Variants in LCORL observed in about 807,000 individuals in gnomAD.
The protein encoded by LCORL is ligand dependent nuclear receptor corepressor like, also known as ligand-dependent nuclear receptor corepressor-like protein.
LCORL carries 41 observed loss-of-function variants against 141.8 expected under a neutral mutation model. The observed-to-expected ratio is 0.29, with a 90% CI of 0.23 to 0.38. The LOEUF (loss-of-function observed/expected upper bound fraction) is 0.38, where lower values mean the gene tolerates loss of function less well. Ranked by LOEUF, LCORL falls within the 10% of genes least tolerant of loss-of-function variation. The pLI, the probability that LCORL is intolerant of heterozygous loss-of-function variation, is 1.00. For synonymous variants in LCORL, 618 were observed against 694.1 expected, an observed-to-expected ratio of 0.89 and a Z score of 1.72; for missense variants, 1,759 against 2,035.0, an observed-to-expected ratio of 0.86 and a Z score of 2.61.
rs148031860 is a variant in LCORL, at chr4:17,843,348, C to T, written c.*2540G>A. On this transcript the variant is annotated 3_prime_UTR_variant, in exon 8 of 8. Transcript: ENST00000635767. ...AGAATCAGAAATGAAGATGAGACTA[C>T]CAAGACGAGCCAAAACCGCAGCACT... The T allele has an allele frequency of 1.2e-6, 2 of 1,611,840 alleles. No individual in the cohort carries two copies. The highest frequency in any genetic ancestry group is 1.7e-6 in the Non-Finnish European group (2 of 1,178,374).
At chr4:17,913,581 T>C (rs1422782142) in intron 4 of LCORL, among the ~76,000 whole-genome samples, 2 of 152,114 alleles carry the variant, frequency 1.3e-5, no homozygotes, top group African/African-American at 4.8e-5. Flanking sequence ...ATTATAAGAG[T>C]GTTCTGAGAA....
intron 1 of LCORL, among the ~76,000 whole-genome samples, chr4:17,986,471 T>A (rs1190716919): frequency 3.3e-5 from 5 of 152,188 alleles, no homozygotes; most frequent in Non-Finnish European, 7.4e-5. Context: ...TCTGTTTTCT[T>A]TATTTTGTCT....
At chr4:18,010,416 A>G (rs1000738658) in intron 1 of LCORL, among the ~76,000 whole-genome samples, 1 of 150,526 alleles carries the variant, frequency 6.6e-6, no homozygotes, top group African/African-American at 2.5e-5. Context: ...GTGTGTGTAT[A>G]TATATATGTA....
At chr4:17,974,331 A>T (rs1325117796) in intron 1 of LCORL, among the ~76,000 whole-genome samples, 1 of 152,096 alleles carries the variant, frequency 6.6e-6, no homozygotes, top group Non-Finnish European at 1.5e-5. Context: ...AACTTCTTCT[A>T]CTATCTATTC....
intron 1 of LCORL, among the ~76,000 whole-genome samples, chr4:17,984,466 C>T (rs576972964): frequency 1.1e-4 from 17 of 152,056 alleles, no homozygotes; most frequent in Admixed American, 3.3e-4. Flanking sequence ...GGTCTCTTCA[C>T]GGAATCAATT....
At chr4:17,869,151 C>T (rs2109158196) in intron 7 of LCORL, among the ~76,000 whole-genome samples, 1 of 151,778 alleles carries the variant, frequency 6.6e-6, no homozygotes, top group East Asian at 1.9e-4. Flanking sequence ...GGCTTCACTC[C>T]ATTTCCATTG....
rs530325270 is a variant in LCORL, at chr4:17,988,668, T to A, written c.155-15783A>T. Among the ~76,000 whole-genome samples, 526 of 152,300 alleles carry A rather than the reference T, an allele frequency of 3.5e-3. 1 individual carries two copies. Among genetic ancestry groups the A allele is most frequent in the Admixed American group, 5.8e-3 (89 of 15,302 alleles). ...TTATTCTTGCTTATAGTTTTTATAA[T>A]CATCAAAGATGTTAACTTAAAAATA... On this transcript the variant is annotated intron_variant, in intron 1 of 7. Coordinates refer to ENST00000635767, the Ensembl canonical transcript of LCORL.
chr4:17,883,677 C>A (rs1727891622), intron 6 of LCORL: 1 of 1,424,372 alleles, frequency 7.0e-7, no homozygotes, highest in Non-Finnish European at 9.4e-7. Flanking sequence ...CACGCAAACA[C>A]ACACACACAC....
chr4:17,894,807 T>C (rs1001625403), intron 5 of LCORL, among the ~76,000 whole-genome samples: 1 of 152,142 alleles, frequency 6.6e-6, no homozygotes, highest in Non-Finnish European at 1.5e-5. Flanking sequence ...TTCCTGACTA[T>C]GCTTGAGAAC....
intron 1 of LCORL, among the ~76,000 whole-genome samples, chr4:17,994,433 A>C (rs1018766256): frequency 8.6e-5 from 13 of 151,974 alleles, no homozygotes; most frequent in Middle Eastern, 3.4e-3. Flanking sequence ...ATACACTCCA[A>C]CCCCCATTTC....
intron 1 of LCORL, among the ~76,000 whole-genome samples, chr4:17,979,809 G>A (rs1057320957): frequency 6.6e-6 from 1 of 152,134 alleles, no homozygotes; most frequent in African/African-American, 2.4e-5. Flanking sequence ...GGCTGCAGAT[G>A]GAATTAAGGT....
intron 1 of LCORL, among the ~76,000 whole-genome samples, chr4:17,977,980 C>G (rs1207572165): frequency 1.3e-5 from 2 of 152,130 alleles, no homozygotes; most frequent in East Asian, 3.8e-4. Flanking sequence ...TTTGATGCAG[C>G]AAACTATTTG....
At chr4:17,995,933 C>CT (rs1720857935) in intron 1 of LCORL, among the ~76,000 whole-genome samples, 1 of 152,062 alleles carries the variant, frequency 6.6e-6, no homozygotes, top group Non-Finnish European at 1.5e-5. Flanking sequence ...ACATCCTCTT[C>CT]TTTAAGACTT....
At chr4:17,966,358 A>T (rs1291470161) in intron 2 of LCORL, among the ~76,000 whole-genome samples, 1 of 152,144 alleles carries the variant, frequency 6.6e-6, no homozygotes, top group Non-Finnish European at 1.5e-5. Context: ...TTATAAGGAT[A>T]ATAAAGGAAT....
chr4:17,973,912 T>A (rs1419139835), intron 1 of LCORL, among the ~76,000 whole-genome samples: 6 of 152,042 alleles, frequency 3.9e-5, no homozygotes, highest in Admixed American at 6.6e-5. Context: ...CAACTAATAA[T>A]GTCTTAGATT....
At chr4:17,908,102 G>T (rs143427582) in intron 5 of LCORL, among the ~76,000 whole-genome samples, 2 of 151,860 alleles carry the variant, frequency 1.3e-5, no homozygotes, top group African/African-American at 2.4e-5. Context: ...GTATGATCTC[G>T]GCTCACGGCA....
chr4:17,876,577 T>C (rs1726946614), exon 7 of LCORL: 4 of 1,230,814 alleles, frequency 3.2e-6, no homozygotes, highest in South Asian at 4.1e-5. Context: ...TTTTTTGTTG[T>C]GGATTCGGAT....
rs1722489634 is a variant in LCORL at position 17,842,327 on chromosome 4, G to C, written c.*3561C>G. On this transcript the variant is annotated 3_prime_UTR_variant, in exon 8 of 8. Transcript: ENST00000635767. ...TCTTCAAGGACAGAGAAAAGTGACA[G>C]TTTCAGCTAGGACGAACAGGAGGTG... is the stretch of plus-strand genomic sequence containing the variant. 1 of 1,611,930 alleles carries C rather than the reference G, an allele frequency of 6.2e-7. No homozygotes were observed. The highest frequency in any genetic ancestry group is 1.7e-5 in the Admixed American group (1 of 59,896).
At chr4:17,931,019 G>C (rs923827008) in intron 4 of LCORL, among the ~76,000 whole-genome samples, 1 of 152,066 alleles carries the variant, frequency 6.6e-6, no homozygotes, top group South Asian at 2.1e-4. Flanking sequence ...AATTTCATCT[G>C]TTTAACTTTT....
Sources: gnomAD v4.1 joint callset for allele counts (sites outside exome capture counted in the v4.1 genomes callset) on GRCh38, gnomAD v4.1.1 for gene constraint, MANE v1.5 for transcripts, NCBI Gene and HGNC (gene_info 2026-07-23, HGNC 2026-07-21) for gene names.